SLC39A11: variants seen among roughly 807,000 people sequenced by gnomAD.
SLC39A11 encodes solute carrier family 39 member 11, also known as zinc transporter ZIP11.
SLC39A11 carries 33 observed loss-of-function variants against 36.1 expected under a neutral mutation model. That is an observed-to-expected ratio of 0.91 (90% CI 0.69 to 1.22). SLC39A11 has a LOEUF of 1.22. Ranked by LOEUF, SLC39A11 falls within the 50% of genes most tolerant of loss-of-function variation. The pLI is 0.00. For synonymous variants in SLC39A11, 166 were observed against 170.3 expected (o/e 0.97, Z 0.20); for missense variants, 432 against 430.3 (o/e 1.00, Z -0.03).
chr17:73,027,089 T>C (rs1005202710), intron 4 of SLC39A11, among the ~76,000 whole-genome samples: 1 of 152,156 alleles, frequency 6.6e-6, no homozygotes, highest in African/African-American at 2.4e-5. Flanking sequence ...GCCACTGCAC[T>C]CCAGCCTGGG....
intron 4 of SLC39A11, among the ~76,000 whole-genome samples, chr17:72,956,981 C>T (rs147894913): frequency 3.3e-5 from 5 of 152,038 alleles, no homozygotes; most frequent in Non-Finnish European, 5.9e-5. Context: ...GGTGGCTCAT[C>T]GAGGGGCTGG....
At chr17:72,736,039 C>T (rs932133545) in intron 7 of SLC39A11, among the ~76,000 whole-genome samples, 1 of 152,154 alleles carries the variant, frequency 6.6e-6, no homozygotes, top group Non-Finnish European at 1.5e-5. Context: ...AATATAGGAA[C>T]ATATTCAGGA....
intron 7 of SLC39A11, chr17:72,725,608 CTT>C (rs2073892189): frequency 6.6e-6 from 1 of 152,192 alleles, no homozygotes; most frequent in South Asian, 2.1e-4. Flanking sequence ...CCTGGTCAAA[CTT>C]TTTCCTTCTG....
chr17:73,025,215 T>A (rs2058494100), intron 4 of SLC39A11, among the ~76,000 whole-genome samples: 1 of 152,186 alleles, frequency 6.6e-6, no homozygotes, highest in African/African-American at 2.4e-5. Flanking sequence ...TGGGCAGGAC[T>A]GTTGGCCAAG....
chr17:72,651,194 T>C (rs948084936), intron 7 of SLC39A11, among the ~76,000 whole-genome samples: 17 of 152,134 alleles, frequency 1.1e-4, no homozygotes, highest in Admixed American at 5.9e-4. Flanking sequence ...CCATCCCTTT[T>C]TGACAAGATT....
At chr17:72,853,938 C>A (rs752745573) in intron 5 of SLC39A11, among the ~76,000 whole-genome samples, 30 of 152,182 alleles carry the variant, frequency 2.0e-4, no homozygotes, top group Admixed American at 3.3e-4. Flanking sequence ...TGACAAGAAC[C>A]TCGTGAGGTT....
At chr17:72,654,865 G>C (rs1005256414) in intron 7 of SLC39A11, among the ~76,000 whole-genome samples, 3 of 152,186 alleles carry the variant, frequency 2.0e-5, no homozygotes, top group African/African-American at 7.2e-5. Flanking sequence ...CAAAGTCCTC[G>C]CCGTGACATA....
chr17:72,729,535 C>T (rs77065291), intron 7 of SLC39A11, among the ~76,000 whole-genome samples: 14,141 of 132,838 alleles, frequency 0.11, 950 homozygotes, highest in African/African-American at 0.12. Flanking sequence ...TGGGCTCAAG[C>T]AACCCACCTA....
At chr17:73,054,497 C>T (rs1043497191) in intron 3 of SLC39A11, among the ~76,000 whole-genome samples, 3 of 152,094 alleles carry the variant, frequency 2.0e-5, no homozygotes, top group African/African-American at 2.4e-5. Context: ...TGAAAGAGAC[C>T]GCCTCTGCCC....
intron 6 of SLC39A11, among the ~76,000 whole-genome samples, chr17:72,812,798 G>T (rs750198877): frequency 6.6e-6 from 1 of 152,084 alleles, no homozygotes; most frequent in Admixed American, 6.6e-5. Context: ...TAAATATCTC[G>T]ATGTCATTTA....
chr17:72,737,169 G>A (rs889500317), intron 6 of SLC39A11, among the ~76,000 whole-genome samples: 1 of 152,050 alleles, frequency 6.6e-6, no homozygotes, highest in South Asian at 2.1e-4. Context: ...CCAGCGACTC[G>A]AGAGGCTGAG....
chr17:72,977,060 G>C (rs984867694), intron 4 of SLC39A11, among the ~76,000 whole-genome samples: 1 of 152,142 alleles, frequency 6.6e-6, no homozygotes, highest in Non-Finnish European at 1.5e-5. Flanking sequence ...GTTAGGATAA[G>C]ATTACCCGGT....
intron 4 of SLC39A11, among the ~76,000 whole-genome samples, chr17:73,015,829 G>A (rs897390396): frequency 2.6e-5 from 4 of 152,152 alleles, no homozygotes; most frequent in Non-Finnish European, 4.4e-5. Flanking sequence ...TGATCTGCCC[G>A]CTTCGGCCTT....
chr17:73,006,972 C>T (rs1405716019), intron 4 of SLC39A11, among the ~76,000 whole-genome samples: 1 of 152,162 alleles, frequency 6.6e-6, no homozygotes, highest in African/African-American at 2.4e-5. Context: ...AGTTTCAGGG[C>T]CCCTCCGTGT....
intron 6 of SLC39A11, among the ~76,000 whole-genome samples, chr17:72,841,986 C>A (rs1049608565): frequency 6.6e-6 from 1 of 151,850 alleles, no homozygotes; most frequent in Non-Finnish European, 1.5e-5. Context: ...GTGGGAGGAT[C>A]AACTGAGCCC....
intron 6 of SLC39A11, among the ~76,000 whole-genome samples, chr17:72,815,146 G>A (rs772322970): frequency 2.6e-5 from 4 of 152,190 alleles, no homozygotes; most frequent in African/African-American, 4.8e-5. Context: ...CTGGTCCATC[G>A]GGATTGCATA....
At chr17:72,893,633 TA>T (rs34686851) in intron 5 of SLC39A11, among the ~76,000 whole-genome samples, 2 of 152,034 alleles carry the variant, frequency 1.3e-5, no homozygotes, top group South Asian at 2.1e-4. Context: ...AATTTAGGGT[TA>T]AAAAAATGGG....
At chr17:72,829,502 G>C (rs1487139337) in intron 6 of SLC39A11, among the ~76,000 whole-genome samples, 1 of 152,122 alleles carries the variant, frequency 6.6e-6, no homozygotes, top group Non-Finnish European at 1.5e-5. Flanking sequence ...ACAACTATGG[G>C]CCTTCCAGCT....
chr17:72,850,403 G>A (rs2079252125), intron 5 of SLC39A11, among the ~76,000 whole-genome samples: 2 of 151,810 alleles, frequency 1.3e-5, no homozygotes, highest in Non-Finnish European at 2.9e-5. Flanking sequence ...GCAGTGAGTT[G>A]TGATCACACC....
Sources: allele counts gnomAD v4.1 joint callset (sites outside exome capture counted in the v4.1 genomes callset), GRCh38; gene constraint gnomAD v4.1.1; transcripts MANE v1.5; gene names NCBI Gene and HGNC (gene_info 2026-07-23, HGNC 2026-07-21).